The following CORO6 variants were observed in gnomAD, a reference collection of about 807,000 sequenced individuals.
CORO6 encodes coronin 6, also known as coronin-6.
CORO6 carries 43 observed loss-of-function variants against 49.0 expected under a neutral mutation model. The observed-to-expected ratio is 0.88, with a 90% CI of 0.69 to 1.13. The LOEUF is 1.13. Among genes scored for constraint, CORO6 ranks in the 50% most tolerant of loss-of-function variants. The probability of loss-of-function intolerance (pLI) is 0.00; values close to 1 mark genes in which losing one functional copy is unlikely to be tolerated. For synonymous variants in CORO6, 233 were observed against 256.5 expected (o/e 0.91, Z 0.88); for missense variants, 650 against 647.0 (o/e 1.00, Z -0.05).
Position 29,615,723 on chromosome 17 carries a change from C to A in CORO6, c.*9G>T, listed in dbSNP as rs748262739. On this transcript the variant is annotated 3_prime_UTR_variant, in exon 11 of 11. Transcript: ENST00000388767. ...GCCCCGCCCCGCTCCGCCTGCCTGG[C>A]GCGCGGGGCTAGTCCGTGCCGTCCA... The A allele has an allele frequency of 5.4e-5, 80 of 1,494,132 alleles. No individual in the cohort carries two copies. Among genetic ancestry groups the A allele is most frequent in the Non-Finnish European group, 6.0e-5 (67 of 1,124,850 alleles). The allele number at this position is 1,494,132 out of a possible 1,614,324, so 92.6% of individuals were successfully genotyped here.
intron 5 of CORO6, chr17:29,618,229 T>C: frequency 3.0e-6 from 4 of 1,321,344 alleles, no homozygotes; most frequent in Non-Finnish European, 3.9e-6. Context: ...CTCGGCGCGC[T>C]TGCTCCACGC....
intron 2 of CORO6, among the ~76,000 whole-genome samples, chr17:29,620,877 A>T (rs2035271986): frequency 6.6e-6 from 1 of 152,074 alleles, no homozygotes; most frequent in Admixed American, 6.5e-5. Context: ...CACCCAAAAC[A>T]TGAGGGGATG....
Position 29,616,465 on chromosome 17 carries a change from A to G in CORO6, c.1005-129T>C. Reference sequence around the variant, plus strand: ...ATGCATATTGCACATTACACACATTATTGGTTCTGCAATAAAACACCCTGA... The same window carrying G: ...ATGCATATTGCACATTACACACATTGTTGGTTCTGCAATAAAACACCCTGA... On this transcript the variant is annotated intron_variant, in intron 8 of 10. Transcript: ENST00000388767. This position sits in a 1 kb window ranked among gnomAD's most constrained non-coding sequence, Gnocchi z 5.6. The G allele has an allele frequency of 1.0e-6, 1 of 952,974 alleles. No homozygotes were observed. The highest frequency in any genetic ancestry group is 1.6e-5 in the African/African-American group (1 of 61,142). The allele number at this position is 952,974 out of a possible 1,614,324, so 59.0% of individuals were successfully genotyped here.
At chr17:29,617,419 C>T in intron 6 of CORO6, 81 bp downstream of exon 6, 3 of 1,551,422 alleles carry the variant, frequency 1.9e-6, no homozygotes, top group Non-Finnish European at 2.6e-6. Flanking sequence ...GGTGGGCATG[C>T]CCTGCGGGTG....
At position 29,616,043 on chromosome 17, in the gene CORO6, TG is replaced by T. The variant is rs756429595; in HGVS notation, c.1194del (p.Lys399SerfsTer96). The T allele has an allele frequency of 2.5e-6, 4 of 1,611,380 alleles. No homozygotes were observed. The highest frequency in any genetic ancestry group is 2.5e-6 in the Non-Finnish European group (3 of 1,179,294). On this transcript the variant is annotated frameshift_variant, in exon 10 of 11. Transcript: ENST00000388767. LOFTEE classifies it high-confidence loss of function. This position sits in a 1 kb window ranked among gnomAD's most constrained non-coding sequence, Gnocchi z 5.6. ...TTCGTGACCCGGAGCTCGCGGTGCT[TG>T]GGGGGCACATAGCCGTCCCTCAGCG... ...LISLRDGYVP[P>X]KHRELRVTKR... is the part of the protein sequence containing the mutation.
At chr17:29,618,437 G>C (rs1486263695) in intron 5 of CORO6, 4 of 1,277,270 alleles carry the variant, frequency 3.1e-6, no homozygotes, top group Non-Finnish European at 9.9e-7. Context: ...AGATGCGTCT[G>C]GGTGCCGGCT....
rs1285200978 is a variant in CORO6 at position 29,616,047 on chromosome 17, G to C, written c.1191C>G (p.Pro397=). ...TGACCCGGAGCTCGCGGTGCTTGGG[G>C]GGCACATAGCCGTCCCTCAGCGAAA... The part of the protein sequence containing the change: ...VLISLRDGYV[P]PKHRELRVTK... Residue 397 remains proline (P), a synonymous_variant, in exon 10 of 11, where the codon CCC becomes CCG. Transcript: ENST00000388767. The surrounding 1 kb of genome is among the most constrained non-coding windows in gnomAD (Gnocchi z 5.6). The C allele has an allele frequency of 6.2e-7, 1 of 1,611,864 alleles. No homozygotes were observed. The highest frequency in any genetic ancestry group is 8.5e-7 in the Non-Finnish European group (1 of 1,179,488).
At position 29,618,215 on chromosome 17, in the gene CORO6, C is replaced by T. The variant is rs552065381; in HGVS notation, c.633+575G>A. The T allele has an allele frequency of 3.0e-6, 4 of 1,323,842 alleles. No homozygotes were observed. The African/African-American group carries it at 4.6e-5, about 15-fold the overall frequency. 82.0% of individuals were successfully genotyped at this position (1,323,842 alleles called of 1,614,324 possible). On this transcript the variant is annotated intron_variant, in intron 5 of 10. Transcript: ENST00000388767. ...AGAGCGCCCCGGCGCCAGCCCCGAC[C>T]GCTCTCGGCGCGCTTGCTCCACGCA...
rs775284578 is a variant in CORO6 at position 29,617,467 on chromosome 17, G to A, written c.753+33C>T. 35 of 1,585,976 alleles carry A rather than the reference G, an allele frequency of 2.2e-5. No individual in the cohort carries two copies. The Admixed American group carries it at 5.5e-4, about 25-fold the overall frequency. ...CCACTCTCCCGTGATGCCAGTCCCC[G>A]AGGCACACACCCCAAGCCTCCAGCT... On this transcript the variant is annotated intron_variant, in intron 6 of 10. Transcript: ENST00000388767.
At chr17:29,620,482 G>A (rs945005901) in intron 2 of CORO6, among the ~76,000 whole-genome samples, 1 of 152,168 alleles carries the variant, frequency 6.6e-6, no homozygotes, top group Non-Finnish European at 1.5e-5. Flanking sequence ...ATTGTCTGGG[G>A]TGAGTCACTG....
chr17:29,617,851 G>A (rs934235754), intron 5 of CORO6: 2 of 678,514 alleles, frequency 2.9e-6, no homozygotes, highest in Non-Finnish European at 4.7e-6. Context: ...AGCCGATCCC[G>A]AACCCTTAAG....
chr17:29,616,037 G>C lies in CORO6; in HGVS notation c.1201C>G (p.Arg401Gly). The C allele has an allele frequency of 6.2e-7, 1 of 1,610,424 alleles. No individual in the cohort carries two copies. The highest frequency in any genetic ancestry group is 8.5e-7 in the Non-Finnish European group (1 of 1,178,636). The change falls in exon 10 of 11, where the codon CGC becomes GGC. Residue 401 changes from arginine to glycine, a missense_variant. Physicochemically the swap from Arg to Gly is moderately radical, Grantham distance 125. Coordinates refer to ENST00000388767, the MANE Select transcript of CORO6 (RefSeq NM_032854.4). This position sits in a 1 kb window ranked among gnomAD's most constrained non-coding sequence, Gnocchi z 5.6. ...LRDGYVPPKH[R>G]ELRVTKRNIL... ...TTGCGCTTCGTGACCCGGAGCTCGC[G>C]GTGCTTGGGGGGCACATAGCCGTCC...
At position 29,621,894 on chromosome 17, in the gene CORO6, G is replaced by C. The variant is rs1480519412; in HGVS notation, c.-63-410C>G. 1.6e-5 allele frequency: 3 copies of C among 183,654 alleles called. No individual in the cohort carries two copies. Among genetic ancestry groups the C allele is most frequent in the African/African-American group, 7.0e-5 (3 of 42,758 alleles). 11.4% of individuals were successfully genotyped at this position (183,654 alleles called of 1,614,324 possible). A position where few individuals can be genotyped will look rare whatever the true frequency, so the allele number is the denominator to read the frequency against. ...CTTGACCATTGGATCTTGGCTTAAA[G>C]CCAGGTATGGGGCCAAGACTGCAGC... On this transcript the variant is annotated intron_variant, in intron 1 of 10. Coordinates refer to ENST00000388767, the MANE Select transcript of CORO6 (RefSeq NM_032854.4). This position sits in a 1 kb window ranked among gnomAD's most constrained non-coding sequence, Gnocchi z 4.2.
At chr17:29,617,723 G>T (rs905992503) in intron 5 of CORO6, 104 bp from the exon 6 acceptor site, 12 of 1,259,838 alleles carry the variant, frequency 9.5e-6, no homozygotes, top group African/African-American at 1.5e-5. Context: ...CGGGGTGGAG[G>T]AGCGGATGCG....
chr17:29,618,180 T>TTAG, intron 5 of CORO6: 1 of 1,355,336 alleles, frequency 7.4e-7, no homozygotes, highest in South Asian at 1.7e-5. Context: ...GCTCGCCGGG[T>TTAG]TAGTGGGTTA....
rs2034937981 is a variant in CORO6 at position 29,616,593 on chromosome 17, G to T, written c.1004+109C>A. ...TGAAACAGAGCTGTCTTATCCCCCC[G>T]CCCCGCTTTTCCAAAGCACTGCATT... On this transcript the variant is annotated intron_variant, in intron 8 of 10. Transcript: ENST00000388767. The surrounding 1 kb of genome is among the most constrained non-coding windows in gnomAD (Gnocchi z 5.6). 1 of 1,430,492 alleles carries T rather than the reference G, an allele frequency of 7.0e-7. No homozygotes were observed. Among genetic ancestry groups the T allele is most frequent in the Non-Finnish European group, 9.6e-7 (1 of 1,042,456 alleles). 88.6% of individuals were successfully genotyped at this position (1,430,492 alleles called of 1,614,324 possible).
chr17:29,617,079 AC>A (rs1268320116), intron 6 of CORO6, 37 bp from the exon 7 acceptor site: 3 of 1,599,252 alleles, frequency 1.9e-6, no homozygotes, highest in Non-Finnish European at 2.6e-6. Context: ...GCCCTGCCCC[AC>A]CCTCCCGTGC....
rs2034843118 is a variant in CORO6, at chr17:29,615,859, T to G, written c.1294-2A>C. ...CAGCGTCTCCAGGGTGTGCTGCTGCTGGGGCGGAGGACAGAGAGGCCGTGT... is the reference window on the plus strand; with the variant it reads ...CAGCGTCTCCAGGGTGTGCTGCTGCGGGGGCGGAGGACAGAGAGGCCGTGT... On this transcript the variant is annotated splice_acceptor_variant, in intron 10 of 10. Coordinates refer to ENST00000388767, the MANE Select transcript of CORO6 (RefSeq NM_032854.4). LOFTEE classifies it high-confidence loss of function. 3.1e-6 allele frequency: 5 copies of G among 1,592,526 alleles called. No homozygotes were observed. The highest frequency in any genetic ancestry group is 1.7e-4 in the Middle Eastern group (1 of 5,958).
chr17:29,618,109 C>T lies in CORO6; in HGVS notation c.634-490G>A, dbSNP rs1031237131. Reference sequence around the variant, plus strand: ...GCTGAAGCCGGTGCTGAGCAGCTTCCCGTCTGCGGTGAAGACAGCCCGCAG... The same window carrying T: ...GCTGAAGCCGGTGCTGAGCAGCTTCTCGTCTGCGGTGAAGACAGCCCGCAG... On this transcript the variant is annotated intron_variant, in intron 5 of 10. Transcript: ENST00000388767. 4 of 1,455,004 alleles carry T rather than the reference C, an allele frequency of 2.7e-6. No individual in the cohort carries two copies. The South Asian group carries it at 5.3e-5, about 19-fold the overall frequency. The allele number at this position is 1,455,004 out of a possible 1,614,324, so 90.1% of individuals were successfully genotyped here.
Sources: allele counts gnomAD v4.1 joint callset (sites outside exome capture counted in the v4.1 genomes callset), GRCh38; gene constraint gnomAD v4.1.1; non-coding constraint Gnocchi (gnomAD v3.1); transcripts MANE v1.5; gene names NCBI Gene and HGNC (gene_info 2026-07-23, HGNC 2026-07-21).